Variants in POLR2F observed in about 807,000 individuals in gnomAD.
POLR2F encodes RNA polymerase II, I and III subunit F.
Under a neutral mutation model 22.7 loss-of-function variants are expected in POLR2F, and 12 were observed. That is an observed-to-expected ratio of 0.53 (90% CI 0.34 to 0.86). The LOEUF is 0.86. POLR2F is among the 40% of genes least tolerant of loss of function. POLR2F has a pLI of 0.02. For synonymous variants in POLR2F, 57 were observed against 66.0 expected (o/e 0.86, Z 0.66); for missense variants, 126 against 171.5 (o/e 0.73, Z 1.48).
chr22:37,966,593 C>T (rs759129359), intron 3 of POLR2F, among the ~76,000 whole-genome samples: 1 of 151,862 alleles, frequency 6.6e-6, no homozygotes, highest in Non-Finnish European at 1.5e-5. Context: ...GGCAACATGG[C>T]GAAATGTTAA....
chr22:37,999,811 A>G (rs944366762), intron 1 of POLR2F, among the ~76,000 whole-genome samples: 2 of 152,098 alleles, frequency 1.3e-5, no homozygotes, highest in Non-Finnish European at 2.9e-5. Context: ...GAGGTAAGAG[A>G]AGGTAACAGG....
chr22:38,032,605 T>C (rs941424314), intron 5 of POLR2F: 2 of 152,354 alleles, frequency 1.3e-5, no homozygotes, highest in African/African-American at 4.8e-5. Context: ...GAAACCAGGA[T>C]GCTTGAGGCA....
At chr22:37,987,941 G>C (rs1316652901) in intron 1 of POLR2F, 1 of 152,918 alleles carries the variant, frequency 6.5e-6, no homozygotes, top group African/African-American at 2.4e-5. Flanking sequence ...GGTTGGGGTG[G>C]GGCCTGAGGT....
intron 1 of POLR2F, among the ~76,000 whole-genome samples, chr22:38,002,995 G>A (rs896484972): frequency 1.3e-5 from 2 of 152,090 alleles, no homozygotes; most frequent in Non-Finnish European, 2.9e-5. Flanking sequence ...AAAGTGCTAG[G>A]ATTACAGGCG....
intron 1 of POLR2F, among the ~76,000 whole-genome samples, chr22:38,021,541 C>T (rs144514429): frequency 1.3e-5 from 2 of 152,300 alleles, no homozygotes; most frequent in African/African-American, 4.8e-5. Flanking sequence ...TCTGCAGCCT[C>T]GACCTCCCAG....
At chr22:38,014,362 T>A (rs910232588) in intron 1 of POLR2F, among the ~76,000 whole-genome samples, 36 of 149,234 alleles carry the variant, frequency 2.4e-4, no homozygotes, top group Admixed American at 5.3e-4. Context: ...TTATTTTTTT[T>A]TTTTTGAGAC....
At chr22:38,013,560 T>C (rs373645317) in intron 1 of POLR2F, among the ~76,000 whole-genome samples, 43 of 152,348 alleles carry the variant, frequency 2.8e-4, no homozygotes, top group East Asian at 2.5e-3. Context: ...TCCTAACTTA[T>C]ACCCTTGTCA....
At chr22:37,960,335 T>C (rs1252779728) in intron 3 of POLR2F, among the ~76,000 whole-genome samples, 2 of 152,144 alleles carry the variant, frequency 1.3e-5, no homozygotes, top group African/African-American at 2.4e-5. Context: ...GCGATTGTCC[T>C]GCCTCAGCCT....
Position 37,969,237 on chromosome 22 carries a change from T to A in POLR2F, c.*1522T>A. The A allele has an allele frequency of 1.0e-6, 1 of 985,266 alleles. No individual in the cohort carries two copies. Among genetic ancestry groups the A allele is most frequent in the Non-Finnish European group, 1.2e-6 (1 of 829,768 alleles). 61.0% of individuals were successfully genotyped at this position (985,266 alleles called of 1,614,324 possible). A position where few individuals can be genotyped will look rare whatever the true frequency, so the allele number is the denominator to read the frequency against. Reference sequence around the variant, plus strand: ...CTGTCTTCCTCTTCCCATTCTCCTCTTTTGGGGAGTCCCCTGCTATTCAGC... The same window carrying A: ...CTGTCTTCCTCTTCCCATTCTCCTCATTTGGGGAGTCCCCTGCTATTCAGC... On this transcript the variant is annotated 3_prime_UTR_variant, in exon 5 of 5. Coordinates refer to ENST00000442738, the MANE Select transcript of POLR2F (RefSeq NM_021974.5).
At position 37,969,076 on chromosome 22, in the gene POLR2F, T is replaced by C. The variant is rs1252555050; in HGVS notation, c.*1361T>C. On this transcript the variant is annotated 3_prime_UTR_variant, in exon 5 of 5. Coordinates refer to ENST00000442738, the MANE Select transcript of POLR2F (RefSeq NM_021974.5). ...GGCCCCATTTCTCTAAATGGTCTCT[T>C]TGTTCCCTGCTGGGCTGCTCAGTAT... 1.0e-6 allele frequency: 1 copy of C among 985,456 alleles called. No individual in the cohort carries two copies. The highest frequency in any genetic ancestry group is 1.2e-6 in the Non-Finnish European group (1 of 829,974). The allele number at this position is 985,456 out of a possible 1,614,324, so 61.0% of individuals were successfully genotyped here.
chr22:38,035,266 C>T (rs965927059), intron 5 of POLR2F, among the ~76,000 whole-genome samples: 4 of 152,170 alleles, frequency 2.6e-5, no homozygotes, highest in Admixed American at 6.5e-5. Flanking sequence ...TAACAACAGG[C>T]GCCTCCGAGG....
chr22:38,020,238 CATATATAT>C (rs760066873), intron 1 of POLR2F, among the ~76,000 whole-genome samples: 4 of 149,232 alleles, frequency 2.7e-5, no homozygotes, highest in Admixed American at 6.7e-5. Flanking sequence ...CACACACATA[CATATATAT>C]ATACACATAT....
chr22:38,020,164 C>CA (rs2084947962), intron 1 of POLR2F, among the ~76,000 whole-genome samples: 1 of 151,256 alleles, frequency 6.6e-6, no homozygotes, highest in Non-Finnish European at 1.5e-5. Context: ...GCCTGGGCAA[C>CA]ACAGCGAGAC....
At chr22:38,023,528 G>A (rs761494947) in intron 1 of POLR2F, among the ~76,000 whole-genome samples, 25 of 151,882 alleles carry the variant, frequency 1.6e-4, no homozygotes, top group Non-Finnish European at 4.4e-5. Flanking sequence ...CGTGGCACTA[G>A]GTGCATTCAT....
upstream of POLR2F, among the ~76,000 whole-genome samples, chr22:37,985,669 G>A (rs896269912): frequency 1.1e-4 from 17 of 152,214 alleles, no homozygotes; most frequent in African/African-American, 4.1e-4. Flanking sequence ...ACCCCAAGGG[G>A]TCCTGTCTGG....
At chr22:38,002,572 C>T (rs1278841453) in intron 1 of POLR2F, among the ~76,000 whole-genome samples, 1 of 151,314 alleles carries the variant, frequency 6.6e-6, no homozygotes, top group Non-Finnish European at 1.5e-5. Flanking sequence ...TGGGTTTCAC[C>T]ATGTTGGCTG....
At chr22:37,995,930 T>A (rs370963498) in intron 1 of POLR2F, among the ~76,000 whole-genome samples, 2 of 151,850 alleles carry the variant, frequency 1.3e-5, no homozygotes, top group East Asian at 3.9e-4. Flanking sequence ...GCCTGGGAAG[T>A]TGAGTCTGAG....
exon 3 of POLR2F, chr22:38,026,493 A>G (rs771625471): frequency 8.3e-6 from 3 of 361,078 alleles, no homozygotes; most frequent in Non-Finnish European, 1.7e-5. Flanking sequence ...CCCATCTGCA[A>G]CTGTGAGATT....
intron 3 of POLR2F, among the ~76,000 whole-genome samples, chr22:37,962,811 C>T (rs1370836548): frequency 6.6e-6 from 1 of 150,532 alleles, no homozygotes; most frequent in Non-Finnish European, 1.5e-5. Context: ...CTGCCTCAGC[C>T]TTCCCAGTAG....
Sources: gnomAD v4.1 joint callset for allele counts (sites outside exome capture counted in the v4.1 genomes callset) on GRCh38, gnomAD v4.1.1 for gene constraint, MANE v1.5 for transcripts, NCBI Gene and HGNC (gene_info 2026-07-23, HGNC 2026-07-21) for gene names.